UBE2J2: variants seen among roughly 807,000 people sequenced by gnomAD.
The protein encoded by UBE2J2 is ubiquitin conjugating enzyme E2 J2.
A neutral mutation model predicts 28.6 loss-of-function variants in UBE2J2; 5 were observed. The ratio of observed to expected loss-of-function variants is 0.17; its 90% confidence interval spans 0.09 to 0.37. The LOEUF is 0.37. UBE2J2 is among the 10% of genes least tolerant of loss of function. The pLI is 1.00. For synonymous variants in UBE2J2, 138 were observed against 139.7 expected, an observed-to-expected ratio of 0.99 and a Z score of 0.09; for missense variants, 226 against 338.9, an observed-to-expected ratio of 0.67 and a Z score of 2.62.
intron 1 of UBE2J2, among the ~76,000 whole-genome samples, chr1:1,270,635 C>G (rs886064071): frequency 2.6e-5 from 4 of 152,294 alleles, no homozygotes; most frequent in Admixed American, 1.3e-4. Context: ...CCCAACTCCC[C>G]CCGTGGGTCC....
chr1:1,272,357 G>A (rs527347067), intron 1 of UBE2J2, among the ~76,000 whole-genome samples: 2 of 152,312 alleles, frequency 1.3e-5, no homozygotes, highest in South Asian at 2.1e-4. Context: ...GTGAATCACC[G>A]AGGGCAGCTG....
Position 1,259,930 on chromosome 1 carries a change from A to G in UBE2J2, c.173-2620T>C, listed in dbSNP as rs918802606. On this transcript the variant is annotated intron_variant, in intron 3 of 6. Coordinates refer to ENST00000349431, the MANE Select transcript of UBE2J2 (RefSeq NM_058167.3). ...TCTCCACTTTCCCTGGCCTCCCTGC[A>G]TGTGTGGCCTCCCGCACGTGTTTCC... 4.6e-5 allele frequency among the ~76,000 whole-genome samples: 7 copies of G among 152,300 alleles called. No homozygotes were observed. The East Asian group carries it at 1.3e-3, about 29-fold the overall frequency.
rs1489659991 is a variant in UBE2J2, at chr1:1,273,831, G to A, written c.-166C>T. ...CCGCCGCCGCCGCCTCAGCCTCCAA[G>A]ATGGCCGCTCGCGGGGCGGAACCAG... On this transcript the variant is annotated 5_prime_UTR_variant, in exon 1 of 7. Transcript: ENST00000349431. 6.5e-6 allele frequency: 1 copy of A among 153,496 alleles called. No homozygotes were observed. The highest frequency in any genetic ancestry group is 1.9e-4 in the East Asian group (1 of 5,192). The allele number at this position is 153,496 out of a possible 1,614,324, so 9.5% of individuals were successfully genotyped here.
chr1:1,267,787 C>T (rs563265685), intron 2 of UBE2J2, 75 bp downstream of exon 2: 15 of 1,585,120 alleles, frequency 9.5e-6, no homozygotes, highest in East Asian at 6.8e-5. Flanking sequence ...GCACCAGGCT[C>T]GCCCAGCAGG....
intron 3 of UBE2J2, among the ~76,000 whole-genome samples, chr1:1,258,367 G>A (rs1001491582): frequency 2.4e-4 from 37 of 152,172 alleles, no homozygotes; most frequent in Admixed American, 5.9e-4. Context: ...ACCACCCAAC[G>A]GCATAGCCTT....
intron 3 of UBE2J2, among the ~76,000 whole-genome samples, chr1:1,258,871 G>C (rs1026867538): frequency 6.6e-6 from 1 of 152,238 alleles, no homozygotes; most frequent in African/African-American, 2.4e-5. Flanking sequence ...AGGCCCACAC[G>C]CTGGCTGCCC....
rs1385896323 is a variant in UBE2J2 at position 1,268,671 on chromosome 1, GGGAGGCAGGGCCAGGGCA to G, written c.1-697_1-680del. Among the ~76,000 whole-genome samples, 1 of 152,172 alleles carries G rather than the reference GGGAGGCAGGGCCAGGGCA, an allele frequency of 6.6e-6. No individual in the cohort carries two copies. The highest frequency in any genetic ancestry group is 1.5e-5 in the Non-Finnish European group (1 of 68,038). On this transcript the variant is annotated intron_variant, in intron 1 of 6. Transcript: ENST00000349431. The surrounding 1 kb of genome is among the most constrained non-coding windows in gnomAD (Gnocchi z 4.7). ...GTGAGGGCAGGGATAAGACTGGCCA[GGGAGGCAGGGCCAGGGCA>G]TAAGAGTTTATTTACTTATTTTTCG...
chr1:1,266,234 T>C (rs569883663), intron 2 of UBE2J2: 1 of 1,185,318 alleles, frequency 8.4e-7, no homozygotes, highest in South Asian at 1.4e-5. Context: ...CCAGAGAAGG[T>C]GGACCCCTGA....
chr1:1,255,620 T>A, intron 6 of UBE2J2, 133 bp from the exon 7 acceptor site: 2 of 1,150,316 alleles, frequency 1.7e-6, no homozygotes, highest in East Asian at 4.9e-5. Flanking sequence ...CGACCCCATC[T>A]CACAGGTGAG....
chr1:1,254,309 GC>G lies in UBE2J2; in HGVS notation c.*893del, dbSNP rs1639060619. 6.6e-6 allele frequency: 1 copy of G among 152,298 alleles called. No homozygotes were observed. 9.4% of individuals were successfully genotyped at this position (152,298 alleles called of 1,614,324 possible). A position where few individuals can be genotyped will look rare whatever the true frequency, so the allele number is the denominator to read the frequency against. ...GAGCCATTACCTACTGTGAAGGCCAGCGCAGGGGGCACGGGATGTGAGGGAG... is the reference window on the plus strand; with the variant it reads ...GAGCCATTACCTACTGTGAAGGCCAGGCAGGGGGCACGGGATGTGAGGGAG... On this transcript the variant is annotated 3_prime_UTR_variant, in exon 7 of 7. Coordinates refer to ENST00000349431, the MANE Select transcript of UBE2J2 (RefSeq NM_058167.3).
chr1:1,261,329 A>G (rs556173919), intron 3 of UBE2J2, among the ~76,000 whole-genome samples: 222 of 152,314 alleles, frequency 1.5e-3, no homozygotes, highest in African/African-American at 5.3e-3. Context: ...ACCCAGGACC[A>G]GCACAGAGCC....
At chr1:1,272,934 CCGCTGTACACTCTT>C (rs1640234815) in intron 1 of UBE2J2, 1 of 152,686 alleles carries the variant, frequency 6.5e-6, no homozygotes, top group African/African-American at 2.4e-5. Flanking sequence ...CCAGCCAAGC[CCGCTGTACACTCTT>C]CGCTGCCCAC....
intron 1 of UBE2J2, among the ~76,000 whole-genome samples, chr1:1,272,470 G>A (rs1640202033): frequency 6.6e-6 from 1 of 152,182 alleles, no homozygotes; most frequent in African/African-American, 2.4e-5. Flanking sequence ...ACCTTGGCCT[G>A]ACCCATCGGC....
chr1:1,264,592 C>T (rs1421989469), intron 2 of UBE2J2, among the ~76,000 whole-genome samples: 1 of 152,042 alleles, frequency 6.6e-6, no homozygotes, highest in Non-Finnish European at 1.5e-5. Flanking sequence ...GTCAACATGG[C>T]GAAACTCCGT....
chr1:1,271,974 C>CAAAAAAAAAAAAAAAAAA lies in UBE2J2; in HGVS notation c.-1+1674_-1+1691dup, dbSNP rs60924258. ...GGGCAACAAGAGCGAAACTCCGTCT[C>CAAAAAAAAAAAAAAAAAA]AAAAAAAAAAAAAAAAAAAAAAAAA... is the stretch of plus-strand genomic sequence containing the variant. On this transcript the variant is annotated intron_variant, in intron 1 of 6. Coordinates refer to ENST00000349431, the MANE Select transcript of UBE2J2 (RefSeq NM_058167.3). 9.4e-4 allele frequency among the ~76,000 whole-genome samples: 26 copies of CAAAAAAAAAAAAAAAAAA among 27,612 alleles called. 1 individual carries two copies. Among genetic ancestry groups the CAAAAAAAAAAAAAAAAAA allele is most frequent in the East Asian group, 4.0e-3 (2 of 506 alleles). 18.1% of individuals were successfully genotyped at this position (27,612 alleles called of 152,430 possible).
At chr1:1,266,504 C>G (rs1639870152) in intron 2 of UBE2J2, among the ~76,000 whole-genome samples, 1 of 150,818 alleles carries the variant, frequency 6.6e-6, no homozygotes. Context: ...CCAGCCTGGG[C>G]GACAGAGCAA....
chr1:1,273,805 G>GCCC lies in UBE2J2; in HGVS notation c.-141_-140insGGG, dbSNP rs1288269677. On this transcript the variant is annotated 5_prime_UTR_variant, in exon 1 of 7. Transcript: ENST00000349431. ...TTGGGCCCACCGAACCCGCCGCAGC[G>GCCC]CCGCCGCCGCCGCCTCAGCCTCCAA... The GCCC allele has an allele frequency of 9.1e-5, 14 of 153,590 alleles. No homozygotes were observed. The East Asian group carries it at 2.7e-3, about 29-fold the overall frequency. The allele number at this position is 153,590 out of a possible 1,614,324, so 9.5% of individuals were successfully genotyped here.
intron 2 of UBE2J2, among the ~76,000 whole-genome samples, chr1:1,267,332 T>C (rs939797706): frequency 1.8e-4 from 28 of 152,292 alleles, no homozygotes; most frequent in African/African-American, 6.3e-4. Context: ...GGTCCTCTCG[T>C]TGTCAGCCTG....
At chr1:1,262,841 T>A (rs1639640524) in intron 3 of UBE2J2, 1 of 173,684 alleles carries the variant, frequency 5.8e-6, no homozygotes, top group Non-Finnish European at 1.3e-5. Context: ...TGGATCAGCC[T>A]TGGTAGTCGA....
Sources: allele counts gnomAD v4.1 joint callset (sites outside exome capture counted in the v4.1 genomes callset), GRCh38; gene constraint gnomAD v4.1.1; non-coding constraint Gnocchi (gnomAD v3.1); transcripts MANE v1.5; gene names NCBI Gene and HGNC (gene_info 2026-07-23, HGNC 2026-07-21).